TRIM71: variants seen among roughly 807,000 people sequenced by gnomAD.
TRIM71 encodes E3 ubiquitin-protein ligase TRIM71.
Under a neutral mutation model 61.2 loss-of-function variants are expected in TRIM71, and 9 were observed. The ratio of observed to expected loss-of-function variants is 0.15; its 90% CI spans 0.09 to 0.26. TRIM71 has a LOEUF of 0.26. Ranked by LOEUF, TRIM71 falls within the 10% of genes least tolerant of loss-of-function variation. The pLI is 1.00. For synonymous variants in TRIM71, 645 were observed against 553.2 expected (o/e 1.17, Z -2.33); for missense variants, 998 against 1,238.7 (o/e 0.81, Z 2.92).
intron 1 of TRIM71, among the ~76,000 whole-genome samples, chr3:32,846,168 C>T (rs543247668): frequency 3.5e-4 from 53 of 150,318 alleles, no homozygotes; most frequent in African/African-American, 1.2e-3. Context: ...CTCCGCCTCC[C>T]GGGTTCACAG....
intron 3 of TRIM71, among the ~76,000 whole-genome samples, chr3:32,889,574 T>TATC (rs1320206480): frequency 6.8e-6 from 1 of 147,498 alleles, no homozygotes; most frequent in Non-Finnish European, 1.5e-5. Context: ...TTATTATTAT[T>TATC]ATTATTATTA....
At chr3:32,854,969 A>AG (rs1354641380) in intron 1 of TRIM71, among the ~76,000 whole-genome samples, 1 of 152,208 alleles carries the variant, frequency 6.6e-6, no homozygotes, top group Non-Finnish European at 1.5e-5. Context: ...ATTTTGGGAG[A>AG]GAGAGATACC....
At chr3:32,832,033 C>T (rs1484000641) in intron 1 of TRIM71, among the ~76,000 whole-genome samples, 1 of 152,138 alleles carries the variant, frequency 6.6e-6, no homozygotes, top group African/African-American at 2.4e-5. Flanking sequence ...ACATCCTGTT[C>T]CTTGCTTTAG....
At chr3:32,843,694 C>T (rs1696437195) in intron 1 of TRIM71, among the ~76,000 whole-genome samples, 2 of 152,166 alleles carry the variant, frequency 1.3e-5, no homozygotes, top group African/African-American at 2.4e-5. Flanking sequence ...TCCCGTTACC[C>T]GCTGGGTTTT....
chr3:32,836,328 C>G (rs1338508023), intron 1 of TRIM71, among the ~76,000 whole-genome samples: 1 of 151,968 alleles, frequency 6.6e-6, no homozygotes, highest in African/African-American at 2.4e-5. Context: ...TGTGCATGAG[C>G]TTTTCATATG....
intron 1 of TRIM71, among the ~76,000 whole-genome samples, chr3:32,861,779 A>G (rs1696672029): frequency 6.6e-6 from 1 of 152,042 alleles, no homozygotes; most frequent in South Asian, 2.1e-4. Flanking sequence ...TGACAGGTGC[A>G]GTTTTGGGGA....
chr3:32,882,153 T>A (rs1482705930), intron 2 of TRIM71, among the ~76,000 whole-genome samples: 3 of 151,810 alleles, frequency 2.0e-5, no homozygotes, highest in African/African-American at 7.3e-5. Flanking sequence ...TGAGACAGAG[T>A]TTTGCTCTTG....
intron 1 of TRIM71, among the ~76,000 whole-genome samples, chr3:32,839,261 C>G (rs1195892249): frequency 2.6e-5 from 4 of 151,822 alleles, no homozygotes; most frequent in South Asian, 2.1e-4. Flanking sequence ...ACAAGAGTCT[C>G]ATTTGGTCAC....
rs1183676994 is a variant in TRIM71 at position 32,891,560 on chromosome 3, T to A, written c.2356T>A (p.Ser786Thr). 6.2e-7 allele frequency: 1 copy of A among 1,613,710 alleles called. No homozygotes were observed. The change falls in exon 4 of 4, where the codon TCG becomes ACG. Residue 786 changes from serine to threonine, a missense_variant. This residue lies in a region of TRIM71 where 95 missense variants were observed against 159.0 expected (regional missense o/e 0.60). Transcript: ENST00000383763. This position sits in a 1 kb window ranked among gnomAD's most constrained non-coding sequence, Gnocchi z 8.2. ...CTGCCAGTCGGCACGCTTTCTGGGC[T>A]CGGAGGGCACAGGCAATGGGCAGTT... Reference protein sequence around the residue: ...PDCQSARFLGSEGTGNGQFLR... With the variant: ...PDCQSARFLGTEGTGNGQFLR...
rs929673852 is a variant in TRIM71 at position 32,897,288 on chromosome 3, C to T, written c.*5477C>T. ...GTTAAACCTCTTAATTTGTATTTGT[C>T]CAAGGCAGACATGATATAAGGAATA... On this transcript the variant is annotated 3_prime_UTR_variant, in exon 4 of 4. Transcript: ENST00000383763. 5.9e-5 allele frequency: 9 copies of T among 151,740 alleles called. No individual in the cohort carries two copies. Among genetic ancestry groups the T allele is most frequent in the Admixed American group, 4.6e-4 (7 of 15,224 alleles). 9.4% of individuals were successfully genotyped at this position (151,740 alleles called of 1,614,324 possible).
rs1056960483 is a variant in TRIM71, at chr3:32,873,381, A to T, written c.853-437A>T. ...CTTCACACATCTAGGCTAGAGCAGCAAAGGAAACTTTTCTGGTACATTCTT... is the reference window on the plus strand; with the variant it reads ...CTTCACACATCTAGGCTAGAGCAGCTAAGGAAACTTTTCTGGTACATTCTT... On this transcript the variant is annotated intron_variant, in intron 1 of 3. Transcript: ENST00000383763. Among the ~76,000 whole-genome samples the T allele has an allele frequency of 9.2e-5, 14 of 152,160 alleles. 1 individual carries two copies. The highest frequency in any genetic ancestry group is 9.2e-4 in the Admixed American group (14 of 15,280).
intron 1 of TRIM71, among the ~76,000 whole-genome samples, chr3:32,846,443 T>C (rs1375772899): frequency 1.3e-5 from 2 of 152,242 alleles, no homozygotes; most frequent in Non-Finnish European, 1.5e-5. Context: ...ATGTTTGGTA[T>C]ATACATACAT....
intron 1 of TRIM71, among the ~76,000 whole-genome samples, chr3:32,842,564 C>G (rs1001304278): frequency 3.9e-5 from 6 of 152,194 alleles, no homozygotes; most frequent in African/African-American, 1.2e-4. Context: ...ATGCTCTGTC[C>G]CTTCCTGGAT....
intron 1 of TRIM71, among the ~76,000 whole-genome samples, chr3:32,838,560 A>G (rs1263692952): frequency 3.5e-5 from 5 of 143,624 alleles, no homozygotes; most frequent in East Asian, 2.1e-4. Context: ...TTTTAGGGGC[A>G]TGCAGTGGAG....
At chr3:32,820,513 G>A (rs1696115587) in intron 1 of TRIM71, among the ~76,000 whole-genome samples, 2 of 152,094 alleles carry the variant, frequency 1.3e-5, no homozygotes, top group African/African-American at 2.4e-5. Context: ...GGTAAATACC[G>A]ATCCAAATCC....
At chr3:32,854,704 A>G (rs1387824892) in intron 1 of TRIM71, among the ~76,000 whole-genome samples, 1 of 152,230 alleles carries the variant, frequency 6.6e-6, no homozygotes, top group Non-Finnish European at 1.5e-5. Context: ...TGTTTTGATT[A>G]TCATTTTCTG....
At chr3:32,864,450 G>T (rs1425187028) in intron 1 of TRIM71, among the ~76,000 whole-genome samples, 1 of 152,208 alleles carries the variant, frequency 6.6e-6, no homozygotes, top group Non-Finnish European at 1.5e-5. Flanking sequence ...AGCTGTGTGG[G>T]GTGGGTGAAG....
intron 2 of TRIM71, among the ~76,000 whole-genome samples, chr3:32,885,054 G>T (rs760398058): frequency 3.9e-5 from 6 of 152,074 alleles, no homozygotes; most frequent in Non-Finnish European, 8.8e-5. Flanking sequence ...AGCATTGAAA[G>T]TCCCACATCC....
chr3:32,897,397 T>G lies in TRIM71; in HGVS notation c.*5586T>G, dbSNP rs2125695208. The G allele has an allele frequency of 6.6e-6, 1 of 152,182 alleles. No homozygotes were observed. Among genetic ancestry groups the G allele is most frequent in the East Asian group, 1.9e-4 (1 of 5,178 alleles). 9.4% of individuals were successfully genotyped at this position (152,182 alleles called of 1,614,324 possible). ...GGGGTGCTGACTGCCATTTGCCACT[T>G]TTAAATGGGCACTGCCGTGGTAATG... On this transcript the variant is annotated 3_prime_UTR_variant, in exon 4 of 4. Coordinates refer to ENST00000383763, the MANE Select transcript of TRIM71 (RefSeq NM_001039111.3).
Sources: allele counts gnomAD v4.1 joint callset (sites outside exome capture counted in the v4.1 genomes callset), GRCh38; gene constraint gnomAD v4.1.1; regional missense constraint gnomAD v4.1.1; non-coding constraint Gnocchi (gnomAD v3.1); transcripts MANE v1.5; gene names NCBI Gene and HGNC (gene_info 2026-07-23, HGNC 2026-07-21).